The following COL24A1 variants were observed in gnomAD, a reference collection of about 807,000 sequenced individuals.
COL24A1 encodes collagen type XXIV alpha 1 chain, also known as collagen alpha-1(XXIV) chain.
COL24A1 carries 224 observed loss-of-function variants against 253.9 expected under a neutral mutation model. The ratio of observed to expected loss-of-function variants is 0.88; its 90% CI spans 0.79 to 0.99. COL24A1 has a LOEUF of 0.99. Among genes scored for constraint, COL24A1 ranks in the 50% least tolerant of loss-of-function variants. The pLI, the probability that COL24A1 is intolerant of heterozygous loss-of-function variation, is 0.00. For synonymous variants in COL24A1, 685 were observed against 673.7 expected (o/e 1.02, Z -0.26); for missense variants, 2,131 against 2,068.5 (o/e 1.03, Z -0.59).
chr1:86,044,018 A>G (rs1168298814), intron 12 of COL24A1, among the ~76,000 whole-genome samples: 4 of 152,154 alleles, frequency 2.6e-5, no homozygotes, highest in Non-Finnish European at 5.9e-5. Context: ...GTATTTCACA[A>G]TTGATAGTAC....
At chr1:85,987,729 T>G (rs1693852000) in intron 19 of COL24A1, 75 bp from the exon 20 acceptor site, 2 of 1,283,298 alleles carry the variant, frequency 1.6e-6, no homozygotes, top group Admixed American at 2.2e-5. Flanking sequence ...AAATTCCCTT[T>G]GCTATTCCTC....
At chr1:86,155,710 G>A (rs1158440770) in intron 1 of COL24A1, 1 of 152,450 alleles carries the variant, frequency 6.6e-6, no homozygotes, top group African/African-American at 2.4e-5. Flanking sequence ...AATGATCAGG[G>A]CGCAGCCTCG....
intron 12 of COL24A1, among the ~76,000 whole-genome samples, chr1:86,037,229 T>C (rs1015655379): frequency 1.3e-5 from 2 of 152,192 alleles, no homozygotes; most frequent in Non-Finnish European, 2.9e-5. Flanking sequence ...AAGATTCCCA[T>C]TTCCCAGTGT....
chr1:85,733,206 T>A (rs536840293), intron 59 of COL24A1, among the ~76,000 whole-genome samples: 20 of 152,342 alleles, frequency 1.3e-4, no homozygotes, highest in Non-Finnish European at 1.9e-4. Context: ...AATGTTGAGA[T>A]ACTAAATCAT....
At position 85,772,473 on chromosome 1, in the gene COL24A1, C is replaced by A. The variant is rs188341401; in HGVS notation, c.4374+3201G>T. Among the ~76,000 whole-genome samples, 1,131 of 152,020 alleles carry A rather than the reference C, an allele frequency of 7.4e-3. 29 individuals are homozygous for A. Among genetic ancestry groups the A allele is most frequent in the Non-Finnish European group, 4.6e-3 (310 of 67,968 alleles). On this transcript the variant is annotated intron_variant, in intron 53 of 59. Transcript: ENST00000370571. ...CATTACTGGGTATATACCCAAATGA[C>A]TATAAATCTTGCTGCTATAAAGACA...
intron 20 of COL24A1, among the ~76,000 whole-genome samples, chr1:85,984,828 T>C (rs1693573092): frequency 6.6e-6 from 1 of 151,848 alleles, no homozygotes; most frequent in South Asian, 2.1e-4. Context: ...TCTTCCTGAG[T>C]TGCCTATTTA....
intron 53 of COL24A1, among the ~76,000 whole-genome samples, chr1:85,766,093 C>T (rs532869536): frequency 7.2e-5 from 11 of 151,954 alleles, no homozygotes; most frequent in African/African-American, 2.7e-4. Flanking sequence ...GGACTGGGTG[C>T]GGTGGCTTAT....
At chr1:86,025,846 C>T (rs1044762538) in intron 14 of COL24A1, among the ~76,000 whole-genome samples, 1 of 152,086 alleles carries the variant, frequency 6.6e-6, no homozygotes, top group African/African-American at 2.4e-5. Context: ...CATTTTTGTA[C>T]CTAAAGAAAG....
chr1:86,102,821 T>C (rs928640378), intron 5 of COL24A1, among the ~76,000 whole-genome samples: 2 of 152,160 alleles, frequency 1.3e-5, no homozygotes, highest in Admixed American at 6.5e-5. Context: ...TGTTAGAGTA[T>C]GTGCCATGTG....
chr1:85,868,299 A>G (rs1680015649), intron 37 of COL24A1, among the ~76,000 whole-genome samples: 1 of 152,204 alleles, frequency 6.6e-6, no homozygotes, highest in Admixed American at 6.5e-5. Flanking sequence ...ATGCTTTATG[A>G]CAGAAGTTAC....
At chr1:86,014,322 T>G (rs1696801766) in intron 19 of COL24A1, among the ~76,000 whole-genome samples, 2 of 152,216 alleles carry the variant, frequency 1.3e-5, no homozygotes, top group South Asian at 4.1e-4. Context: ...ATTATCAACT[T>G]AAAACTTAAC....
At chr1:85,990,558 C>A (rs1314943588) in intron 19 of COL24A1, among the ~76,000 whole-genome samples, 1 of 152,198 alleles carries the variant, frequency 6.6e-6, no homozygotes, top group African/African-American at 2.4e-5. Flanking sequence ...TGCTGTGCAG[C>A]CCAGTTCCTA....
chr1:85,758,699 C>A (rs1431103357), intron 55 of COL24A1, among the ~76,000 whole-genome samples: 1 of 152,032 alleles, frequency 6.6e-6, no homozygotes, highest in Non-Finnish European at 1.5e-5. Flanking sequence ...TATCTTGACC[C>A]ACAGTAAGAA....
At chr1:86,111,581 G>A (rs991015786) in intron 5 of COL24A1, among the ~76,000 whole-genome samples, 1 of 147,810 alleles carries the variant, frequency 6.8e-6, no homozygotes, top group Non-Finnish European at 1.5e-5. Flanking sequence ...GGTGAAGTCA[G>A]AAAAGGGGAT....
At chr1:85,747,933 A>G (rs1269855160) in intron 55 of COL24A1, among the ~76,000 whole-genome samples, 1 of 152,200 alleles carries the variant, frequency 6.6e-6, no homozygotes, top group Non-Finnish European at 1.5e-5. Flanking sequence ...TATATTGATC[A>G]TTCTGAAAAT....
intron 24 of COL24A1, among the ~76,000 whole-genome samples, chr1:85,960,198 A>G (rs995805619): frequency 6.6e-6 from 1 of 152,186 alleles, no homozygotes; most frequent in African/African-American, 2.4e-5. Flanking sequence ...AAGCCTATAA[A>G]ACAACCATAT....
intron 19 of COL24A1, among the ~76,000 whole-genome samples, chr1:86,006,183 G>A (rs580540): frequency 0.18 from 27,673 of 151,998 alleles, 3,210 homozygotes; most frequent in African/African-American, 0.32. Context: ...ATACAGAGAG[G>A]CAAAAGACCC....
At chr1:86,113,990 C>G (rs531946823) in intron 4 of COL24A1, among the ~76,000 whole-genome samples, 1 of 151,662 alleles carries the variant, frequency 6.6e-6, no homozygotes, top group Non-Finnish European at 1.5e-5. Context: ...AAAGTAAGGA[C>G]AATGGAATAT....
At chr1:85,771,065 G>T (rs531211959) in intron 53 of COL24A1, among the ~76,000 whole-genome samples, 5 of 152,214 alleles carry the variant, frequency 3.3e-5, no homozygotes, top group African/African-American at 4.8e-5. Flanking sequence ...CATCTTTAGG[G>T]TTTATCAGAT....
Sources: gnomAD v4.1 joint callset for allele counts (sites outside exome capture counted in the v4.1 genomes callset) on GRCh38, gnomAD v4.1.1 for gene constraint, MANE v1.5 for transcripts, NCBI Gene and HGNC (gene_info 2026-07-23, HGNC 2026-07-21) for gene names.